PDE10A: variants seen among roughly 807,000 people sequenced by gnomAD.
PDE10A encodes the protein phosphodiesterase 10A.
In PDE10A, 39 loss-of-function variants were observed where a neutral mutation model predicts 97.7. That is an observed-to-expected ratio of 0.40 (90% confidence interval 0.31 to 0.52). PDE10A has a LOEUF of 0.52. Ranked by LOEUF, PDE10A falls within the 20% of genes least tolerant of loss-of-function variation. The pLI is 0.56. For missense variants in PDE10A, 731 were observed against 1,047.8 expected (o/e 0.70, Z 4.17); for synonymous variants, 371 against 376.8 (o/e 0.98, Z 0.18).
chr6:165,537,839 A>T (rs1783184399), intron 2 of PDE10A, among the ~76,000 whole-genome samples: 1 of 151,986 alleles, frequency 6.6e-6, no homozygotes, highest in Non-Finnish European at 1.5e-5. Flanking sequence ...AGACAAAAAA[A>T]TTGAAGGAAA....
Position 165,519,317 on chromosome 6 carries a change from TAA to T in PDE10A, c.994+24121_994+24122del, listed in dbSNP as rs1269626030. 3.3e-5 allele frequency among the ~76,000 whole-genome samples: 5 copies of T among 152,164 alleles called. No homozygotes were observed. In the East Asian group the frequency reaches 5.8e-4, roughly 18 times the overall value. Reference sequence around the variant, plus strand: ...ATTGAGATATCATTAAACAAAAATCTAAAAGAGTTAGAATCTTAGGAGTTACA... The same window carrying T: ...ATTGAGATATCATTAAACAAAAATCTAAGAGTTAGAATCTTAGGAGTTACA... On this transcript the variant is annotated intron_variant, in intron 2 of 21. Transcript: ENST00000539869.
At chr6:165,865,591 G>T (rs1781019972) in intron 1 of PDE10A, among the ~76,000 whole-genome samples, 1 of 152,026 alleles carries the variant, frequency 6.6e-6, no homozygotes, top group South Asian at 2.1e-4. Flanking sequence ...TAGACAGATA[G>T]CATAAAAGGA....
chr6:165,583,757 T>G (rs1435380523), intron 1 of PDE10A, among the ~76,000 whole-genome samples: 1 of 152,098 alleles, frequency 6.6e-6, no homozygotes, highest in Non-Finnish European at 1.5e-5. Flanking sequence ...CCTAAACTAG[T>G]GTCTAATGTA....
At chr6:165,473,750 C>T (rs1779144094) in intron 3 of PDE10A, among the ~76,000 whole-genome samples, 1 of 152,124 alleles carries the variant, frequency 6.6e-6, no homozygotes, top group Non-Finnish European at 1.5e-5. Context: ...AATAAAATAA[C>T]TAAATAATCA....
Position 165,744,113 on chromosome 6 carries a change from C to T in PDE10A, c.-614-200545G>A, listed in dbSNP as rs150431786. On this transcript the variant is annotated intron_variant, in intron 1 of 19. Transcript: ENST00000366882. Reference sequence around the variant, plus strand: ...TTACAACCATTTAAAAATTTTTCTGCGAAAATGGCAGAAATAACTTAAGAT... The same window carrying T: ...TTACAACCATTTAAAAATTTTTCTGTGAAAATGGCAGAAATAACTTAAGAT... 1.1e-4 allele frequency among the ~76,000 whole-genome samples: 17 copies of T among 152,072 alleles called. No homozygotes were observed. The East Asian group carries it at 1.4e-3, about 12-fold the overall frequency.
intron 1 of PDE10A, among the ~76,000 whole-genome samples, chr6:165,767,356 G>T (rs1777881704): frequency 1.3e-5 from 2 of 152,076 alleles, no homozygotes; most frequent in African/African-American, 4.8e-5. Context: ...TCTTCACAAG[G>T]TTGTGCAATC....
chr6:165,636,822 G>A (rs772899280), intron 1 of PDE10A, among the ~76,000 whole-genome samples: 1 of 152,080 alleles, frequency 6.6e-6, no homozygotes, highest in Non-Finnish European at 1.5e-5. Flanking sequence ...GAAATGCTCT[G>A]CCTAGGTCCA....
At chr6:165,619,557 G>A (rs1441874870) in intron 1 of PDE10A, among the ~76,000 whole-genome samples, 3 of 130,526 alleles carry the variant, frequency 2.3e-5, no homozygotes, top group Non-Finnish European at 5.0e-5. Context: ...GTGTAGTCTA[G>A]TGTAGTATAC....
At position 165,391,612 on chromosome 6, in the gene PDE10A, A is replaced by G. The variant is rs9365883; in HGVS notation, c.2454+1034T>C. On this transcript the variant is annotated intron_variant, in intron 16 of 21. Coordinates refer to ENST00000539869, the MANE Select transcript of PDE10A (RefSeq NM_001385079.1). ...GATTTCATGTGGATCTTTCGCGGGG[A>G]GGTGATAAATAATAAATTACTGATC... 3.3e-4 allele frequency among the ~76,000 whole-genome samples: 50 copies of G among 152,264 alleles called. No individual in the cohort carries two copies. In the East Asian group the frequency reaches 7.9e-3, roughly 24 times the overall value.
intron 3 of PDE10A, among the ~76,000 whole-genome samples, chr6:165,458,745 C>T (rs1778115927): frequency 6.6e-6 from 1 of 152,108 alleles, no homozygotes; most frequent in African/African-American, 2.4e-5. Context: ...GTTGGTGTGC[C>T]CCTTTATTCC....
intron 1 of PDE10A, among the ~76,000 whole-genome samples, chr6:165,650,249 C>A (rs1474556753): frequency 6.6e-6 from 1 of 152,138 alleles, no homozygotes; most frequent in Non-Finnish European, 1.5e-5. Flanking sequence ...CTTGCTAATT[C>A]TGAAATTTAA....
Position 165,336,136 on chromosome 6 carries a change from G to C in PDE10A, c.3052C>G (p.Leu1018Val). 1 of 1,612,352 alleles carries C rather than the reference G, an allele frequency of 6.2e-7. No individual in the cohort carries two copies. The highest frequency in any genetic ancestry group is 8.5e-7 in the Non-Finnish European group (1 of 1,178,474). ...TQILPPTEPLLKACRDNLSQW... is the reference protein window; with the variant it reads ...TQILPPTEPLVKACRDNLSQW... ...CATAGTACATACCTGCATGCTTTCA[G>C]AAGAGGCTCCGTGGGAGGGAGGATC... Residue 1018 changes from leucine (L) to valine (V), a missense_variant, in exon 21 of 22, where the codon CTG (leucine) becomes GTG (valine). Leu to Val is a conservative substitution (Grantham distance 32). Transcript: ENST00000539869.
In PDE10A at chr6:165,882,134, G is replaced by A. The variant is rs573593508; in HGVS notation, c.-615+105395C>T. Among the ~76,000 whole-genome samples the A allele has an allele frequency of 1.1e-4, 17 of 152,304 alleles. No homozygotes were observed. The South Asian group carries it at 3.1e-3, about 28-fold the overall frequency. On this transcript the variant is annotated intron_variant, in intron 1 of 19. Transcript: ENST00000366882. ...TGAAGTGTGAAATAAACTGAAATAC[G>A]TGGCAGATTGATTTCCACTCCATGG...
chr6:165,794,064 T>A (rs1778738918), intron 1 of PDE10A, among the ~76,000 whole-genome samples: 1 of 152,138 alleles, frequency 6.6e-6, no homozygotes, highest in Admixed American at 6.6e-5. Flanking sequence ...GCCGTTTGAC[T>A]GCATGCTCCA....
chr6:165,370,546 G>A (rs1332758954), intron 18 of PDE10A, among the ~76,000 whole-genome samples: 1 of 149,310 alleles, frequency 6.7e-6, no homozygotes, highest in African/African-American at 2.5e-5. Context: ...AAATATATAT[G>A]CACCCAATAC....
chr6:165,670,882 G>A (rs924570238), intron 1 of PDE10A, among the ~76,000 whole-genome samples: 1 of 152,228 alleles, frequency 6.6e-6, no homozygotes, highest in Non-Finnish European at 1.5e-5. Context: ...GGACCCCTTA[G>A]ATGGGTTACT....
At chr6:165,359,450 T>C (rs971006449) in intron 18 of PDE10A, among the ~76,000 whole-genome samples, 1 of 152,210 alleles carries the variant, frequency 6.6e-6, no homozygotes, top group Non-Finnish European at 1.5e-5. Context: ...ACACGCATCA[T>C]GTGTAGTATT....
chr6:165,981,230 T>G (rs1562340549), intron 1 of PDE10A, among the ~76,000 whole-genome samples: 1 of 152,174 alleles, frequency 6.6e-6, no homozygotes. Context: ...CTGCCAGTAC[T>G]AAAAAGAGAG....
chr6:165,743,356 T>G (rs1364466455), intron 1 of PDE10A, among the ~76,000 whole-genome samples: 1 of 152,240 alleles, frequency 6.6e-6, no homozygotes, highest in African/African-American at 2.4e-5. Context: ...TTATCATAAT[T>G]CAGAAATTAA....
Sources: gnomAD v4.1 joint callset for allele counts (sites outside exome capture counted in the v4.1 genomes callset) on GRCh38, gnomAD v4.1.1 for gene constraint, MANE v1.5 for transcripts, NCBI Gene and HGNC (gene_info 2026-07-23, HGNC 2026-07-21) for gene names.